MYO18B: variants seen among roughly 807,000 people sequenced by gnomAD.
MYO18B encodes unconventional myosin-XVIIIb.
MYO18B carries 204 observed loss-of-function variants against 273.0 expected under a neutral mutation model. That is an observed-to-expected ratio of 0.75 (90% CI 0.67 to 0.84). The LOEUF is 0.84. Ranked by LOEUF, MYO18B falls within the 40% of genes least tolerant of loss-of-function variation. MYO18B has a pLI of 0.00. For missense variants in MYO18B, 3,212 were observed against 3,287.6 expected (o/e 0.98, Z 0.56); for synonymous variants, 1,330 against 1,305.7 (o/e 1.02, Z -0.40).
Position 25,876,197 on chromosome 22 carries a change from A to G in MYO18B, c.4089A>G (p.Arg1363=), listed in dbSNP as rs1287370923. ...RQEFKKLKIR[R]LAAQCIQKNV... The stretch of plus-strand genomic sequence containing the variant: ...GTTCTCCTTCCCTGCAGATTCGCCG[A>G]CTGGCTGCACAGTGCATCCAGAAGA... Residue 1363 remains arginine, a synonymous_variant, in exon 24 of 44, where the codon CGA becomes CGG. Transcript: ENST00000335473. 1.2e-6 allele frequency: 2 copies of G among 1,605,590 alleles called. No homozygotes were observed. Among genetic ancestry groups the G allele is most frequent in the South Asian group, 2.2e-5 (2 of 89,646 alleles).
intron 25 of MYO18B, among the ~76,000 whole-genome samples, chr22:25,885,810 G>T (rs576587375): frequency 1.3e-5 from 2 of 152,294 alleles, no homozygotes; most frequent in African/African-American, 4.8e-5. Context: ...GCCCCTGAAA[G>T]GCCATAACTG....
chr22:26,056,566 CTAACTTGATCAAT>C, the MYO18B span, among the ~76,000 whole-genome samples: 1 of 152,222 alleles, frequency 6.6e-6, no homozygotes, highest in Non-Finnish European at 1.5e-5. Flanking sequence ...CCACAAGAAT[CTAACTTGATCAAT>C]TAATTCCTGC....
the MYO18B span, among the ~76,000 whole-genome samples, chr22:26,040,660 A>G: frequency 6.6e-6 from 1 of 152,214 alleles, no homozygotes. Context: ...ATCTGAAGAA[A>G]GTGAAGCAAC....
chr22:25,847,066 G>A (rs1326633669), intron 19 of MYO18B, among the ~76,000 whole-genome samples: 1 of 144,122 alleles, frequency 6.9e-6, no homozygotes, highest in Non-Finnish European at 1.5e-5. Flanking sequence ...GCAACGGAGT[G>A]AGACTCTGTC....
intron 22 of MYO18B, among the ~76,000 whole-genome samples, chr22:25,869,535 A>G (rs2146152385): frequency 6.6e-6 from 1 of 152,012 alleles, no homozygotes; most frequent in Admixed American, 6.5e-5. Flanking sequence ...ACAGACCAAA[A>G]GAAAGACTAC....
At chr22:25,932,557 C>T (rs189803144) in intron 34 of MYO18B, among the ~76,000 whole-genome samples, 41 of 151,952 alleles carry the variant, frequency 2.7e-4, no homozygotes, top group Admixed American at 3.9e-4. Flanking sequence ...TATAGGCATG[C>T]GTCACCATGC....
intron 42 of MYO18B, among the ~76,000 whole-genome samples, chr22:26,011,819 T>C (rs1260703762): frequency 6.6e-6 from 1 of 152,266 alleles, no homozygotes; most frequent in South Asian, 2.1e-4. Context: ...CTCACTCACA[T>C]AATCATCGTG....
chr22:26,027,142 T>A lies in MYO18B; in HGVS notation c.7168T>A (p.Ser2390Thr), dbSNP rs1400102327. 6.2e-7 allele frequency: 1 copy of A among 1,613,880 alleles called. No homozygotes were observed. The highest frequency in any genetic ancestry group is 8.5e-7 in the Non-Finnish European group (1 of 1,179,890). The change falls in exon 43 of 44, where the codon TCT (serine) becomes ACT (threonine). Residue 2390 changes from serine (S) to threonine (T), a missense_variant. Coordinates refer to ENST00000335473, the MANE Select transcript of MYO18B (RefSeq NM_032608.7). This position sits in a 1 kb window ranked among gnomAD's most constrained non-coding sequence, Gnocchi z 4.1. ...LRPRRRCLESSVDDAGCPDLG... is the reference protein window; with the variant it reads ...LRPRRRCLESTVDDAGCPDLG... Reference sequence around the variant, plus strand: ...TCCTCGGAGGCGGTGTCTGGAGTCCTCTGTGGACGATGCGGGCTGTCCAGA... The same window carrying A: ...TCCTCGGAGGCGGTGTCTGGAGTCCACTGTGGACGATGCGGGCTGTCCAGA...
chr22:25,926,358 C>T (rs576771441), intron 34 of MYO18B, among the ~76,000 whole-genome samples: 7 of 151,858 alleles, frequency 4.6e-5, no homozygotes, highest in Admixed American at 3.3e-4. Context: ...ATCTCTGGCT[C>T]ACTGCAAACT....
chr22:26,027,181 C>A lies in MYO18B; in HGVS notation c.7207C>A (p.Pro2403Thr). 1.2e-6 allele frequency: 2 copies of A among 1,613,952 alleles called. No homozygotes were observed. Among genetic ancestry groups the A allele is most frequent in the Non-Finnish European group, 1.7e-6 (2 of 1,179,878 alleles). ...GGGCTGTCCAGACCTTGGAAAGGAG[C>A]CGCTTGTTTTCCAGAACCGCCAGTT... ...DAGCPDLGKE[P>T]LVFQNRQFAH... Residue 2403 changes from proline (P) to threonine (T), a missense_variant, in exon 43 of 44, where the codon CCG (proline) becomes ACG (threonine). Coordinates refer to ENST00000335473, the MANE Select transcript of MYO18B (RefSeq NM_032608.7). The surrounding 1 kb of genome is among the most constrained non-coding windows in gnomAD (Gnocchi z 4.1).
chr22:25,825,501 A>G (rs977810603), intron 13 of MYO18B, among the ~76,000 whole-genome samples: 2 of 152,172 alleles, frequency 1.3e-5, no homozygotes, highest in African/African-American at 4.8e-5. Context: ...CACCCTAATC[A>G]AGGCTGGTGA....
chr22:25,758,006 TTTTGTTTGTTCG>T (rs1367942090), intron 1 of MYO18B, among the ~76,000 whole-genome samples: 2 of 152,138 alleles, frequency 1.3e-5, no homozygotes, highest in African/African-American at 4.8e-5. Context: ...TTCTTTGTTG[TTTTGTTTGTTCG>T]TTTGTTTGTT....
In MYO18B at chr22:25,959,993, C is replaced by G. The variant is rs570444559; in HGVS notation, c.6156+4629C>G. ...TCTCCTGTCCACAATCCTTTCCGCC[C>G]GTCCCCAACCTGTACTATTTGTCAC... On this transcript the variant is annotated intron_variant, in intron 39 of 43. Transcript: ENST00000335473. 1.2e-4 allele frequency among the ~76,000 whole-genome samples: 18 copies of G among 152,246 alleles called. No individual in the cohort carries two copies. In the East Asian group the frequency reaches 3.5e-3, roughly 29 times the overall value.
At chr22:25,956,344 T>C (rs1396933024) in intron 39 of MYO18B, among the ~76,000 whole-genome samples, 2 of 151,722 alleles carry the variant, frequency 1.3e-5, no homozygotes, top group African/African-American at 4.8e-5. Flanking sequence ...GCTTCCTGAG[T>C]AGCTGGGACT....
chr22:25,845,352 A>G (rs2090204777), intron 18 of MYO18B, among the ~76,000 whole-genome samples: 1 of 152,192 alleles, frequency 6.6e-6, no homozygotes, highest in South Asian at 2.1e-4. Context: ...CCCTGTCTCT[A>G]CTAAAAACAC....
intron 14 of MYO18B, among the ~76,000 whole-genome samples, chr22:25,826,922 G>T (rs755607987): frequency 6.6e-6 from 1 of 152,058 alleles, no homozygotes; most frequent in Non-Finnish European, 1.5e-5. Context: ...TTAGCTGGGC[G>T]TGGTGGTGGG....
At chr22:25,863,358 T>C (rs2090795333) in intron 21 of MYO18B, among the ~76,000 whole-genome samples, 1 of 152,210 alleles carries the variant, frequency 6.6e-6, no homozygotes, top group African/African-American at 2.4e-5. Context: ...CCCCTCACCC[T>C]TAGTTTGGAT....
chr22:25,961,915 C>A (rs142457615), intron 39 of MYO18B, among the ~76,000 whole-genome samples: 5 of 152,322 alleles, frequency 3.3e-5, no homozygotes, highest in Non-Finnish European at 7.3e-5. Context: ...CAGCCTTCCA[C>A]TTCCTCCTCT....
intron 21 of MYO18B, among the ~76,000 whole-genome samples, chr22:25,867,054 C>T (rs982215100): frequency 2.6e-5 from 4 of 152,144 alleles, no homozygotes; most frequent in African/African-American, 9.7e-5. Flanking sequence ...GGGAATCTGT[C>T]TCTGCCCTGT....
Sources: allele counts gnomAD v4.1 joint callset (sites outside exome capture counted in the v4.1 genomes callset), GRCh38; gene constraint gnomAD v4.1.1; non-coding constraint Gnocchi (gnomAD v3.1); transcripts MANE v1.5; gene names NCBI Gene and HGNC (gene_info 2026-07-23, HGNC 2026-07-21).